EVPLL: variants seen among roughly 807,000 people sequenced by gnomAD.
EVPLL encodes the protein envoplakin-like protein.
EVPLL carries 39 observed loss-of-function variants against 46.2 expected under a neutral mutation model. That is an observed-to-expected ratio of 0.84 (90% CI 0.65 to 1.10). The LOEUF (loss-of-function observed/expected upper bound fraction) is 1.10. Ranked by LOEUF, EVPLL falls within the 50% of genes least tolerant of loss-of-function variation. EVPLL has a pLI of 0.00. For synonymous variants in EVPLL, 156 were observed against 165.8 expected, an observed-to-expected ratio of 0.94 and a Z score of 0.46; for missense variants, 385 against 412.6, an observed-to-expected ratio of 0.93 and a Z score of 0.58.
rs1204579551 is a variant in EVPLL, at chr17:18,382,164, C to T, written c.347-349C>T. ...GGAACAGTGGGGAAGGGCCCGGGTG[C>T]AGCAGGGCGTTCTGAGGGCCCTAGA... On this transcript the variant is annotated intron_variant, in intron 4 of 10. Transcript: ENST00000399134. The T allele has an allele frequency of 1.2e-5, 4 of 344,410 alleles. No individual in the cohort carries two copies. In the Admixed American group the frequency reaches 1.2e-4, roughly 10 times the overall value. The allele number at this position is 344,410 out of a possible 1,614,324, so 21.3% of individuals were successfully genotyped here.
In EVPLL at chr17:18,381,165, T is replaced by C; in HGVS notation, c.63+165T>C. 8.4e-7 allele frequency: 1 copy of C among 1,185,278 alleles called. No homozygotes were observed. Among genetic ancestry groups the C allele is most frequent in the Non-Finnish European group, 1.2e-6 (1 of 849,286 alleles). 73.4% of individuals were successfully genotyped at this position (1,185,278 alleles called of 1,614,324 possible). A position where few individuals can be genotyped will look rare whatever the true frequency, so the allele number is the denominator to read the frequency against. On this transcript the variant is annotated intron_variant, in intron 2 of 10. Coordinates refer to ENST00000399134, the MANE Select transcript of EVPLL (RefSeq NM_001145127.2). The surrounding 1 kb of genome is among the most constrained non-coding windows in gnomAD (Gnocchi z 4.2). Reference sequence around the variant, plus strand: ...CCTAACACACGGTGGGAGAGAGGGCTCAACTTCCTTCTTTGCTGGGCTCCC... The same window carrying C: ...CCTAACACACGGTGGGAGAGAGGGCCCAACTTCCTTCTTTGCTGGGCTCCC...
intron 9 of EVPLL, among the ~76,000 whole-genome samples, chr17:18,387,145 C>T (rs59654922): frequency 0.57 from 80,688 of 141,520 alleles, 22,630 homozygotes; most frequent in African/African-American, 0.63. Flanking sequence ...ATGATCTGCC[C>T]GCCTCGGCCT....
chr17:18,383,135 G>T lies in EVPLL; in HGVS notation c.622G>T (p.Asp208Tyr). Residue 208 changes from aspartate to tyrosine, a missense_variant, in exon 7 of 11, where the codon GAC (aspartate) becomes TAC (tyrosine). Transcript: ENST00000399134. ...AEQQRRILQQ[D>Y]WSDLMADPAG... is the part of the protein sequence containing the mutation. ...GCAGCAGCGCCGCATCCTGCAGCAG[G>T]ACTGGAGCGACCTCATGGCCGACCC... The T allele has an allele frequency of 6.4e-7, 1 of 1,551,340 alleles. No individual in the cohort carries two copies. Among genetic ancestry groups the T allele is most frequent in the African/African-American group, 1.4e-5 (1 of 73,604 alleles).
chr17:18,379,071 C>A (rs1474342798), intron 1 of EVPLL, among the ~76,000 whole-genome samples: 1 of 152,212 alleles, frequency 6.6e-6, no homozygotes, highest in Non-Finnish European at 1.5e-5. Context: ...CAGAGCAAGA[C>A]CCTGTCTGTT....
intron 1 of EVPLL, among the ~76,000 whole-genome samples, chr17:18,378,493 C>T (rs1987454592): frequency 1.3e-5 from 2 of 152,126 alleles, no homozygotes; most frequent in Admixed American, 6.5e-5. Flanking sequence ...AGAGCTCTCA[C>T]CCAGGGCCTT....
intron 4 of EVPLL, chr17:18,382,202 G>A (rs1189543194): frequency 8.2e-6 from 3 of 367,952 alleles, no homozygotes; most frequent in Non-Finnish European, 1.5e-5. Flanking sequence ...TTGGCTGGAG[G>A]TGTCCAGGCA....
At chr17:18,382,427 G>A in intron 4 of EVPLL, 86 bp from the exon 5 acceptor site, 1 of 1,524,772 alleles carries the variant, frequency 6.6e-7, no homozygotes, top group South Asian at 1.2e-5. Flanking sequence ...AAATGACCAA[G>A]TCCACTTCTC....
chr17:18,387,720 CAT>C (rs985015046), intron 9 of EVPLL, among the ~76,000 whole-genome samples: 25 of 152,268 alleles, frequency 1.6e-4, no homozygotes, highest in Admixed American at 5.2e-4. Flanking sequence ...CTCTTAAAAA[CAT>C]GTGTAAGCCG....
chr17:18,377,823 C>G lies in EVPLL; in HGVS notation c.-197C>G. ...CAGCAAGGACGCCCGCTGCCTCCCA[C>G]CTGCCCTCCTGCCCTCCTTCACCAG... On this transcript the variant is annotated 5_prime_UTR_variant, in exon 1 of 11. Coordinates refer to ENST00000399134, the MANE Select transcript of EVPLL (RefSeq NM_001145127.2). 1.5e-6 allele frequency: 1 copy of G among 654,104 alleles called. No individual in the cohort carries two copies. The highest frequency in any genetic ancestry group is 2.6e-6 in the Non-Finnish European group (1 of 383,084). The allele number at this position is 654,104 out of a possible 1,614,324, so 40.5% of individuals were successfully genotyped here.
chr17:18,378,460 C>T (rs1055028260), intron 1 of EVPLL, among the ~76,000 whole-genome samples: 13 of 152,110 alleles, frequency 8.5e-5, no homozygotes, highest in Admixed American at 3.9e-4. Context: ...GTGCTGCCTC[C>T]TGCCTAAGCC....
In EVPLL at chr17:18,381,828, G is replaced by C; in HGVS notation, c.346+98G>C. The C allele has an allele frequency of 6.3e-7, 1 of 1,576,584 alleles. No homozygotes were observed. The highest frequency in any genetic ancestry group is 1.1e-5 in the South Asian group (1 of 88,184). On this transcript the variant is annotated intron_variant, in intron 4 of 10. Coordinates refer to ENST00000399134, the MANE Select transcript of EVPLL (RefSeq NM_001145127.2). The surrounding 1 kb of genome is among the most constrained non-coding windows in gnomAD (Gnocchi z 4.2). ...TGTAGGCTTGAACAGTCAGTGTATA[G>C]TGGTGTCTCAGGGGTCTGGGCAGGG...
chr17:18,380,874 C>T lies in EVPLL; in HGVS notation c.-36-28C>T, dbSNP rs1598094589. ...GCACAGAGGGGCCTCTTCCACCGAG[C>T]TGCCCACTGTCCCCTCCACCCACCA... On this transcript the variant is annotated intron_variant, in intron 1 of 10. Coordinates refer to ENST00000399134, the MANE Select transcript of EVPLL (RefSeq NM_001145127.2). 3.1e-5 allele frequency: 48 copies of T among 1,539,952 alleles called. No individual in the cohort carries two copies. The East Asian group carries it at 3.2e-4, about 10-fold the overall frequency.
At position 18,377,976 on chromosome 17, in the gene EVPLL, C is replaced by A; in HGVS notation, c.-44C>A. 3 of 939,174 alleles carry A rather than the reference C, an allele frequency of 3.2e-6. No homozygotes were observed. The South Asian group carries it at 5.8e-5, about 18-fold the overall frequency. 58.2% of individuals were successfully genotyped at this position (939,174 alleles called of 1,614,324 possible). On this transcript the variant is annotated 5_prime_UTR_variant, in exon 1 of 11. Transcript: ENST00000399134. ...GTCCCCCAAAGGCTCCCCCAGCAAG[C>A]ACAGCTGGTGAGTGGGACTAGGGGA...
At chr17:18,378,479 C>G (rs1987454168) in intron 1 of EVPLL, among the ~76,000 whole-genome samples, 1 of 152,086 alleles carries the variant, frequency 6.6e-6, no homozygotes, top group African/African-American at 2.4e-5. Context: ...CCAGAGCCCT[C>G]CCCAGAGCTC....
chr17:18,380,303 G>A (rs1987518632), intron 1 of EVPLL: 1 of 152,448 alleles, frequency 6.6e-6, no homozygotes. Context: ...GCACAATCTG[G>A]GCTTTGAACC....
At chr17:18,380,584 A>C (rs775907845) in intron 1 of EVPLL, 2 of 234,116 alleles carry the variant, frequency 8.5e-6, no homozygotes, top group African/African-American at 2.2e-5. Context: ...ACAGGGGGGA[A>C]GTGGCAGGCA....
At position 18,380,988 on chromosome 17, in the gene EVPLL, G is replaced by A. The variant is rs769355117; in HGVS notation, c.51G>A (p.Lys17=). Residue 17 remains lysine, a synonymous_variant, in exon 2 of 11, where the codon AAG becomes AAA. Transcript: ENST00000399134. ...QVERDILETQ[K]RLQQDRLNSE... is the part of the protein sequence containing the mutation. Reference sequence around the variant, plus strand: ...AGCGGGACATCCTGGAGACGCAGAAGAGGCTGCAGCAGGTGAGAACCCGGC... The same window carrying A: ...AGCGGGACATCCTGGAGACGCAGAAAAGGCTGCAGCAGGTGAGAACCCGGC... The A allele has an allele frequency of 2.1e-5, 34 of 1,591,734 alleles. No individual in the cohort carries two copies. The highest frequency in any genetic ancestry group is 2.7e-5 in the Non-Finnish European group (32 of 1,169,950).
In EVPLL at chr17:18,388,264, A is replaced by C. The variant is rs370645195; in HGVS notation, c.*16A>C. On this transcript the variant is annotated 3_prime_UTR_variant, in exon 10 of 11. Transcript: ENST00000399134. ...TCCTCATTGACTCTGCATGAAGGGGATTTCTGGTGGAGTAAGGGTAGCAGG... is the reference window on the plus strand; with the variant it reads ...TCCTCATTGACTCTGCATGAAGGGGCTTTCTGGTGGAGTAAGGGTAGCAGG... 1.7e-4 allele frequency: 252 copies of C among 1,463,930 alleles called. No individual in the cohort carries two copies. In the African/African-American group the frequency reaches 3.3e-3, roughly 19 times the overall value. The allele number at this position is 1,463,930 out of a possible 1,614,324, so 90.7% of individuals were successfully genotyped here. A position where few individuals can be genotyped will look rare whatever the true frequency, so the allele number is the denominator to read the frequency against.
intron 1 of EVPLL, among the ~76,000 whole-genome samples, chr17:18,379,351 C>G (rs568763050): frequency 3.2e-4 from 49 of 152,366 alleles, no homozygotes; most frequent in African/African-American, 1.1e-3. Flanking sequence ...AAGGCACCAA[C>G]AGACACCGAG....
Sources: gnomAD v4.1 joint callset for allele counts (sites outside exome capture counted in the v4.1 genomes callset) on GRCh38, gnomAD v4.1.1 for gene constraint, Gnocchi (gnomAD v3.1) non-coding constraint, MANE v1.5 for transcripts, NCBI Gene and HGNC (gene_info 2026-07-23, HGNC 2026-07-21) for gene names.